The following TAF8 variants were observed in gnomAD, a reference collection of about 807,000 sequenced individuals.
The protein encoded by TAF8 is transcription initiation factor TFIID subunit 8.
A neutral mutation model predicts 36.5 loss-of-function variants in TAF8; 47 were observed. That is an observed-to-expected ratio of 1.29 (90% CI 1.02 to 1.64). TAF8 has a LOEUF of 1.64. TAF8 is among the 40% of genes most tolerant of loss of function. TAF8 has a pLI of 0.00. For missense variants in TAF8, 420 were observed against 407.6 expected (o/e 1.03, Z -0.26); for synonymous variants, 175 against 159.5 (o/e 1.10, Z -0.73).
downstream of TAF8, chr6:42,087,075 G>A (rs1370992345): frequency 2.5e-6 from 1 of 395,504 alleles, no homozygotes; most frequent in East Asian, 4.8e-5. Flanking sequence ...GGCCTCGCCT[G>A]AAGCCTTCCT....
In TAF8 at chr6:42,080,046, G is replaced by GT. The variant is rs1765875110; in HGVS notation, c.*2504dup. On this transcript the variant is annotated 3_prime_UTR_variant, in exon 9 of 9. Coordinates refer to ENST00000372977, the MANE Select transcript of TAF8 (RefSeq NM_138572.3). ...ACTGGACTAAATAGGAGTTTTTCAG[G>GT]TTTGTAGTAACGTGAAACTCTCCTA... 4 of 985,132 alleles carry GT rather than the reference G, an allele frequency of 4.1e-6. No individual in the cohort carries two copies. In the South Asian group the frequency reaches 1.4e-4, roughly 35 times the overall value. The allele number at this position is 985,132 out of a possible 1,614,324, so 61.0% of individuals were successfully genotyped here. A position where few individuals can be genotyped will look rare whatever the true frequency, so the allele number is the denominator to read the frequency against.
chr6:42,063,334 TG>T (rs1266683311), intron 5 of TAF8: 1 of 152,022 alleles, frequency 6.6e-6, no homozygotes, highest in Non-Finnish European at 1.5e-5. Context: ...AGCTAATTTT[TG>T]TATCTTCTGT....
At position 42,082,355 on chromosome 6, in the gene TAF8, CAG is replaced by C. The variant is rs1404052636; in HGVS notation, c.*4813_*4814del. Reference sequence around the variant, plus strand: ...GTATGTGACTTTTTTCTTTTTGAGACAGAGTCTTGCTCTATCGCCTAGGCTGG... The same window carrying C: ...GTATGTGACTTTTTTCTTTTTGAGACAGTCTTGCTCTATCGCCTAGGCTGG... On this transcript the variant is annotated 3_prime_UTR_variant, in exon 9 of 9. Coordinates refer to ENST00000372977, the MANE Select transcript of TAF8 (RefSeq NM_138572.3). 1 of 152,238 alleles carries C rather than the reference CAG, an allele frequency of 6.6e-6. No individual in the cohort carries two copies. Among genetic ancestry groups the C allele is most frequent in the Non-Finnish European group, 1.5e-5 (1 of 68,046 alleles). 9.4% of individuals were successfully genotyped at this position (152,238 alleles called of 1,614,324 possible).
chr6:42,072,588 GTTCC>G (rs1765616711), intron 7 of TAF8, among the ~76,000 whole-genome samples: 1 of 152,150 alleles, frequency 6.6e-6, no homozygotes, highest in South Asian at 2.1e-4. Context: ...GAGGCGCATC[GTTCC>G]TCACAGCTAC....
Position 42,082,912 on chromosome 6 carries a change from T to A in TAF8, c.*5367T>A, listed in dbSNP as rs1298226203. On this transcript the variant is annotated 3_prime_UTR_variant, in exon 9 of 9. Coordinates refer to ENST00000372977, the MANE Select transcript of TAF8 (RefSeq NM_138572.3). ...GGACCCTGGCGCTCCTGGAAAAAAA[T>A]TCAAGGTATTTTTCCTCCTCTTGGA... The A allele has an allele frequency of 6.6e-6, 1 of 152,118 alleles. No individual in the cohort carries two copies. Among genetic ancestry groups the A allele is most frequent in the East Asian group, 1.9e-4 (1 of 5,184 alleles). 9.4% of individuals were successfully genotyped at this position (152,118 alleles called of 1,614,324 possible).
chr6:42,077,260 C>G (rs1765783555), intron 8 of TAF8, 21 bp downstream of exon 8: 2 of 1,607,354 alleles, frequency 1.2e-6, no homozygotes, highest in African/African-American at 2.7e-5. Context: ...GGCTGGGGTC[C>G]AGAGAGCCTT....
intron 7 of TAF8, among the ~76,000 whole-genome samples, chr6:42,071,026 C>T (rs1765549086): frequency 6.6e-6 from 1 of 152,138 alleles, no homozygotes; most frequent in Non-Finnish European, 1.5e-5. Context: ...AGGATAAGAG[C>T]CCCCTCTTGT....
Position 42,079,354 on chromosome 6 carries a change from C to A in TAF8, c.*1809C>A, listed in dbSNP as rs1166411342. The A allele has an allele frequency of 6.1e-6, 6 of 985,350 alleles. No individual in the cohort carries two copies. The highest frequency in any genetic ancestry group is 7.2e-6 in the Non-Finnish European group (6 of 829,928). 61.0% of individuals were successfully genotyped at this position (985,350 alleles called of 1,614,324 possible). ...GGAGAACAACTTCATTCTTAACATACCCTACAAACCAGAAAACAAGTTTTT... is the reference window on the plus strand; with the variant it reads ...GGAGAACAACTTCATTCTTAACATAACCTACAAACCAGAAAACAAGTTTTT... On this transcript the variant is annotated 3_prime_UTR_variant, in exon 9 of 9. Transcript: ENST00000372977.
chr6:42,077,336 G>A, intron 8 of TAF8, 97 bp downstream of exon 8: 3 of 1,515,304 alleles, frequency 2.0e-6, no homozygotes, highest in Non-Finnish European at 1.8e-6. Flanking sequence ...CGGAGCCTTG[G>A]GGAAAGCCAC....
chr6:42,053,944 TGGTGGTA>T (rs1034006617), intron 2 of TAF8, among the ~76,000 whole-genome samples: 8 of 152,198 alleles, frequency 5.3e-5, no homozygotes, highest in Non-Finnish European at 1.2e-4. Flanking sequence ...GCAGGGGGGT[TGGTGGTA>T]GGTGGTAGGT....
rs1373983394 is a variant in TAF8, at chr6:42,077,614, G to A, written c.*69G>A. On this transcript the variant is annotated 3_prime_UTR_variant, in exon 9 of 9. Coordinates refer to ENST00000372977, the MANE Select transcript of TAF8 (RefSeq NM_138572.3). ...CTCCCGGGGAGTTAAAGCCACTCAA[G>A]GGAAGAAGAGGGTGACCTCCTCATG... 38 of 1,589,416 alleles carry A rather than the reference G, an allele frequency of 2.4e-5. No homozygotes were observed. The South Asian group carries it at 3.7e-4, about 15-fold the overall frequency.
At chr6:42,084,948 T>TG (rs1305912026), downstream of TAF8, among the ~76,000 whole-genome samples, 6 of 152,174 alleles carry the variant, frequency 3.9e-5, no homozygotes, top group African/African-American at 1.4e-4. Flanking sequence ...TTGGATGAGT[T>TG]GGGGCGTATT....
Position 42,078,189 on chromosome 6 carries a change from CA to C in TAF8, c.*645del. 1 of 985,804 alleles carries C rather than the reference CA, an allele frequency of 1.0e-6. No homozygotes were observed. The highest frequency in any genetic ancestry group is 4.7e-5 in the South Asian group (1 of 21,290). 61.1% of individuals were successfully genotyped at this position (985,804 alleles called of 1,614,324 possible). On this transcript the variant is annotated 3_prime_UTR_variant, in exon 9 of 9. Transcript: ENST00000372977. ...ACAGGCGTGAGCCACCGCACCCCAC[CA>C]GAGACTTTCTTAATCAATCAGGCTA...
rs747812322 is a variant in TAF8, at chr6:42,056,021, G to A, written c.364+7G>A. 1 of 1,595,930 alleles carries A rather than the reference G, an allele frequency of 6.3e-7. No homozygotes were observed. Among genetic ancestry groups the A allele is most frequent in the South Asian group, 1.1e-5 (1 of 90,664 alleles). On this transcript the variant is annotated splice_region_variant and intron_variant, in intron 4 of 8. Coordinates refer to ENST00000372977, the MANE Select transcript of TAF8 (RefSeq NM_138572.3). ...AGGATGGTCATCACTGCTCGTAAGT[G>A]ACTTTGAACTGAGGTACTTAGCAAT...
Position 42,050,595 on chromosome 6 carries a change from A to G in TAF8, c.45+9A>G, listed in dbSNP as rs946860319. The G allele has an allele frequency of 4.5e-6, 7 of 1,549,414 alleles. No homozygotes were observed. Among genetic ancestry groups the G allele is most frequent in the Non-Finnish European group, 3.5e-6 (4 of 1,147,644 alleles). On this transcript the variant is annotated intron_variant, in intron 1 of 8. Coordinates refer to ENST00000372977, the MANE Select transcript of TAF8 (RefSeq NM_138572.3). ...CCGGTGGCTCCGGAACGGTAAGGGCAGGAAGCGCGGGCTCGGAGCCGAGAG... is the reference window on the plus strand; with the variant it reads ...CCGGTGGCTCCGGAACGGTAAGGGCGGGAAGCGCGGGCTCGGAGCCGAGAG...
At chr6:42,085,189 T>A (rs57813969), downstream of TAF8, among the ~76,000 whole-genome samples, 1,715 of 152,370 alleles carry the variant, frequency 0.011, 33 homozygotes, top group African/African-American at 0.039. Flanking sequence ...TTACTATCTC[T>A]TGGAGGTCAC....
In TAF8 at chr6:42,055,556, C is replaced by G. The variant is rs367876477; in HGVS notation, c.228C>G (p.Ala76=). 3 of 1,613,986 alleles carry G rather than the reference C, an allele frequency of 1.9e-6. No individual in the cohort carries two copies. The African/African-American group carries it at 4.0e-5, about 22-fold the overall frequency. ...QSYISEIGRS[A]KSYCEHTART... ...ACATTTCAGAAATTGGGAGAAGTGCCAAGTCTTACTGTGAGCACACAGCCA... is the reference window on the plus strand; with the variant it reads ...ACATTTCAGAAATTGGGAGAAGTGCGAAGTCTTACTGTGAGCACACAGCCA... The change falls in exon 3 of 9, where the codon GCC becomes GCG. Residue 76 remains alanine (A), a synonymous_variant. Transcript: ENST00000372977.
At position 42,081,774 on chromosome 6, in the gene TAF8, G is replaced by T. The variant is rs1293429830; in HGVS notation, c.*4229G>T. The T allele has an allele frequency of 6.6e-6, 1 of 152,158 alleles. No homozygotes were observed. The highest frequency in any genetic ancestry group is 1.5e-5 in the Non-Finnish European group (1 of 68,032). 9.4% of individuals were successfully genotyped at this position (152,158 alleles called of 1,614,324 possible). A position where few individuals can be genotyped will look rare whatever the true frequency, so the allele number is the denominator to read the frequency against. ...ACCTGCCTCAGCCTCCTAAAGTGCT[G>T]AGGTTACAGGCGTGAGCCCCCGCGC... On this transcript the variant is annotated 3_prime_UTR_variant, in exon 9 of 9. Transcript: ENST00000372977.
chr6:42,054,479 C>G (rs919563420), intron 2 of TAF8, among the ~76,000 whole-genome samples: 1 of 152,192 alleles, frequency 6.6e-6, no homozygotes, highest in Non-Finnish European at 1.5e-5. Context: ...ACAATAACTC[C>G]CCATTCTCCC....
Sources: gnomAD v4.1 joint callset for allele counts (sites outside exome capture counted in the v4.1 genomes callset) on GRCh38, gnomAD v4.1.1 for gene constraint, MANE v1.5 for transcripts, NCBI Gene and HGNC (gene_info 2026-07-23, HGNC 2026-07-21) for gene names.